The following MAK variants were observed in gnomAD, a reference collection of about 807,000 sequenced individuals.
The protein encoded by MAK is serine/threonine-protein kinase MAK.
In MAK, 65 loss-of-function variants were observed where a neutral mutation model predicts 82.6. The ratio of observed to expected loss-of-function variants is 0.79; its 90% CI spans 0.64 to 0.97. MAK has a LOEUF of 0.97. Among genes scored for constraint, MAK ranks in the 50% least tolerant of loss-of-function variants. MAK has a pLI of 0.00. For synonymous variants in MAK, 250 were observed against 274.2 expected (o/e 0.91, Z 0.87); for missense variants, 703 against 780.2 (o/e 0.90, Z 1.18).
intron 6 of MAK, among the ~76,000 whole-genome samples, chr6:10,808,418 C>T (rs1211881314): frequency 2.0e-5 from 3 of 152,146 alleles, no homozygotes; most frequent in Non-Finnish European, 2.9e-5. Flanking sequence ...CTGGTGAACA[C>T]GTGTATGTCT....
chr6:10,780,048 T>A lies in MAK; in HGVS notation c.1465+4376A>T, dbSNP rs371128384. ...ATAGTTGCTGGTTCACAATAGGTGC[T>A]CAATAAATGTCTGTCCAGGTGACTG... On this transcript the variant is annotated intron_variant, in intron 11 of 14. Transcript: ENST00000354489. 4.6e-5 allele frequency among the ~76,000 whole-genome samples: 7 copies of A among 152,304 alleles called. No homozygotes were observed. The East Asian group carries it at 5.8e-4, about 13-fold the overall frequency.
chr6:10,767,970 G>A (rs926986651), intron 14 of MAK, among the ~76,000 whole-genome samples: 5 of 152,084 alleles, frequency 3.3e-5, no homozygotes, highest in African/African-American at 1.2e-4. Flanking sequence ...TTACAGAACA[G>A]TGTTTTTTCT....
chr6:10,772,998 A>G (rs1220428739), intron 13 of MAK, 36 bp downstream of exon 13: 1 of 1,361,794 alleles, frequency 7.3e-7, no homozygotes, highest in African/African-American at 1.4e-5. Flanking sequence ...AGAGATTCAA[A>G]GAACAAACTG....
intron 2 of MAK, among the ~76,000 whole-genome samples, chr6:10,823,165 T>C (rs902437840): frequency 1.3e-5 from 2 of 152,218 alleles, no homozygotes; most frequent in African/African-American, 4.8e-5. Context: ...TGCCATGCCA[T>C]GCCCTTGCTT....
intron 4 of MAK, among the ~76,000 whole-genome samples, chr6:10,814,571 G>A (rs546262754): frequency 6.6e-6 from 1 of 152,106 alleles, no homozygotes; most frequent in African/African-American, 2.4e-5. Context: ...GAGAGGCTGA[G>A]GTGGGAGGAT....
chr6:10,813,084 T>TATGTATGTATA (rs1777092423), intron 5 of MAK, among the ~76,000 whole-genome samples: 1 of 43,998 alleles, frequency 2.3e-5, no homozygotes, highest in African/African-American at 8.1e-5. Flanking sequence ...TGTTATGTAT[T>TATGTATGTATA]TTTATATATA....
intron 10 of MAK, among the ~76,000 whole-genome samples, chr6:10,789,360 C>T (rs573217157): frequency 5.9e-5 from 9 of 152,178 alleles, no homozygotes; most frequent in African/African-American, 1.7e-4. Flanking sequence ...GAATACACAT[C>T]ACTAACGCCT....
chr6:10,770,119 G>A lies in MAK; in HGVS notation c.1784C>T (p.Thr595Met), dbSNP rs1367333036. The change falls in exon 14 of 15, where the codon ACG (threonine) becomes ATG (methionine). Residue 595 changes from threonine (T) to methionine (M), a missense_variant. Thr to Met is a moderately conservative substitution (Grantham distance 81). Transcript: ENST00000354489. ...TCTGAAGTTGTTCCTACCTGAAGCC[G>A]TTGCATTGAGAGGTGCTAAGTGGAT... Reference protein sequence around the residue: ...QRIHLAPLNATASEYTWNTKT... With the variant: ...QRIHLAPLNAMASEYTWNTKT... 13 of 1,614,156 alleles carry A rather than the reference G, an allele frequency of 8.1e-6. No individual in the cohort carries two copies. The highest frequency in any genetic ancestry group is 6.7e-5 in the East Asian group (3 of 44,882).
In MAK at chr6:10,798,798, CATTATTTATTT is replaced by C. The variant is rs759579133; in HGVS notation, c.832-2500_832-2490del. Among the ~76,000 whole-genome samples, 422 of 145,344 alleles carry C rather than the reference CATTATTTATTT, an allele frequency of 2.9e-3. 4 individuals are homozygous for C. The highest frequency in any genetic ancestry group is 0.01 in the African/African-American group (409 of 39,274). On this transcript the variant is annotated intron_variant, in intron 8 of 14. Transcript: ENST00000354489. ...GATGCACATAACCTAAGTTTAGAAACATTATTTATTTATTTATTTATTTATTTATTTATTTA... is the reference window on the plus strand; with the variant it reads ...GATGCACATAACCTAAGTTTAGAAACATTTATTTATTTATTTATTTATTTA...
At chr6:10,802,287 T>C (rs1188891107) in intron 7 of MAK, 1 of 504,366 alleles carries the variant, frequency 2.0e-6, no homozygotes, top group African/African-American at 1.9e-5. Flanking sequence ...AAAGCACTTT[T>C]ATAGCTTTTT....
chr6:10,816,479 A>G (rs1777514604), intron 4 of MAK, among the ~76,000 whole-genome samples: 1 of 152,164 alleles, frequency 6.6e-6, no homozygotes, highest in Non-Finnish European at 1.5e-5. Flanking sequence ...GTAAGTATAT[A>G]TCATTTCAAT....
chr6:10,798,359 C>T (rs891784830), intron 8 of MAK, among the ~76,000 whole-genome samples: 1 of 152,012 alleles, frequency 6.6e-6, no homozygotes, highest in African/African-American at 2.4e-5. Context: ...GTGATCCGCC[C>T]ACCTTGGCCT....
At chr6:10,820,458 C>G (rs2127579380) in intron 2 of MAK, among the ~76,000 whole-genome samples, 1 of 152,256 alleles carries the variant, frequency 6.6e-6, no homozygotes, top group South Asian at 2.1e-4. Flanking sequence ...TGACTTTGGA[C>G]AAGTCACCTA....
intron 11 of MAK, 60 bp from the exon 12 acceptor site, chr6:10,775,519 T>G: frequency 1.3e-6 from 2 of 1,569,132 alleles, no homozygotes; most frequent in Non-Finnish European, 1.7e-6. Flanking sequence ...TAAAGGAAAC[T>G]TATGTAATAC....
chr6:10,785,764 G>A (rs1774483765), intron 10 of MAK, among the ~76,000 whole-genome samples: 1 of 152,266 alleles, frequency 6.6e-6, no homozygotes, highest in African/African-American at 2.4e-5. Context: ...CCTTGCAGCT[G>A]TCACTAGTGG....
intron 6 of MAK, among the ~76,000 whole-genome samples, chr6:10,806,875 C>A (rs1196825681): frequency 3.3e-5 from 5 of 152,104 alleles, no homozygotes; most frequent in Non-Finnish European, 7.4e-5. Context: ...TCTTGTACAG[C>A]CTGCAGAACT....
chr6:10,764,208 C>CAAAT lies in MAK; in HGVS notation c.*240_*243dup, dbSNP rs1772185069. The stretch of plus-strand genomic sequence containing the variant: ...GTAGATCAAATACTTCATACTTTGG[C>CAAAT]AAATAGTTTATTCAATACTTTGTAA... On this transcript the variant is annotated 3_prime_UTR_variant, in exon 15 of 15. Coordinates refer to ENST00000354489, the MANE Select transcript of MAK (RefSeq NM_001242957.3). The CAAAT allele has an allele frequency of 2.2e-5, 10 of 460,906 alleles. No homozygotes were observed. Among genetic ancestry groups the CAAAT allele is most frequent in the Non-Finnish European group, 3.8e-5 (10 of 259,832 alleles). 28.6% of individuals were successfully genotyped at this position (460,906 alleles called of 1,614,324 possible).
chr6:10,829,927 C>G (rs1008630157), intron 2 of MAK, among the ~76,000 whole-genome samples: 1 of 151,878 alleles, frequency 6.6e-6, no homozygotes, highest in Admixed American at 6.6e-5. Flanking sequence ...ACCTCTGCCT[C>G]CCAGGTTGAA....
At chr6:10,765,471 T>TTTTTTTTTTTTTA (rs1561923828) in intron 14 of MAK, among the ~76,000 whole-genome samples, 3 of 115,068 alleles carry the variant, frequency 2.6e-5, no homozygotes, top group African/African-American at 1.0e-4. Flanking sequence ...TTTTTTTTTT[T>TTTTTTTTTTTTTA]TTAATGAGGC....
Sources: gnomAD v4.1 joint callset for allele counts (sites outside exome capture counted in the v4.1 genomes callset) on GRCh38, gnomAD v4.1.1 for gene constraint, MANE v1.5 for transcripts, NCBI Gene and HGNC (gene_info 2026-07-23, HGNC 2026-07-21) for gene names.